KANSL2: variants seen among roughly 807,000 people sequenced by gnomAD.
The protein encoded by KANSL2 is KAT8 regulatory NSL complex subunit 2.
Under a neutral mutation model 55.6 loss-of-function variants are expected in KANSL2, and 34 were observed. That is an observed-to-expected ratio of 0.61 (90% CI 0.46 to 0.81). KANSL2 has a LOEUF of 0.81. Ranked by LOEUF, KANSL2 falls within the 40% of genes least tolerant of loss-of-function variation. The pLI is 0.00. For missense variants in KANSL2, 502 were observed against 609.9 expected (o/e 0.82, Z 1.86); for synonymous variants, 209 against 214.3 (o/e 0.98, Z 0.22).
intron 6 of KANSL2, among the ~76,000 whole-genome samples, chr12:48,668,476 CAAGA>C (rs1469313598): frequency 1.3e-5 from 2 of 152,134 alleles, no homozygotes; most frequent in African/African-American, 4.8e-5. Flanking sequence ...ATTTCAGATC[CAAGA>C]CTGGACATAG....
intron 8 of KANSL2, chr12:48,656,509 T>C (rs370113922): frequency 1.0e-4 from 32 of 318,670 alleles, no homozygotes; most frequent in East Asian, 7.1e-4. Flanking sequence ...TCCCGACCAG[T>C]GATTGGCCCA....
chr12:48,667,589 G>T, intron 7 of KANSL2, 104 bp downstream of exon 7: 2 of 931,976 alleles, frequency 2.1e-6, no homozygotes, highest in Non-Finnish European at 3.5e-6. Context: ...TTGATTCAGG[G>T]CCAAAGGAAA....
chr12:48,667,482 C>T, intron 7 of KANSL2: 1 of 692,166 alleles, frequency 1.4e-6, no homozygotes, highest in African/African-American at 1.7e-5. Flanking sequence ...ATGAATTGAC[C>T]ATTACATTTC....
At chr12:48,657,892 C>CCCA (rs1939417957) in intron 8 of KANSL2, among the ~76,000 whole-genome samples, 2 of 152,136 alleles carry the variant, frequency 1.3e-5, no homozygotes, top group South Asian at 4.2e-4. Flanking sequence ...GCTGGGATTA[C>CCCA]AAGCGTCAGC....
intron 7 of KANSL2, among the ~76,000 whole-genome samples, chr12:48,666,517 AC>A (rs1407171245): frequency 6.6e-6 from 1 of 152,002 alleles, no homozygotes; most frequent in Non-Finnish European, 1.5e-5. Context: ...ACATGGTGAA[AC>A]CCCATCTCTA....
In KANSL2 at chr12:48,662,862, T is replaced by TA. The variant is rs547410063; in HGVS notation, c.974-2244dup. Reference sequence around the variant, plus strand: ...TCTGTAAACTGAGTTTTTTCCCTTATAAAAGTAATTCATGCTCGCCTTAAA... The same window carrying TA: ...TCTGTAAACTGAGTTTTTTCCCTTATAAAAAGTAATTCATGCTCGCCTTAAA... On this transcript the variant is annotated intron_variant, in intron 7 of 9. Coordinates refer to ENST00000420613, the MANE Select transcript of KANSL2 (RefSeq NM_017822.4). 5.4e-4 allele frequency among the ~76,000 whole-genome samples: 82 copies of TA among 152,282 alleles called. 4 individuals are homozygous for TA. In the South Asian group the frequency reaches 0.017, roughly 31 times the overall value.
intron 8 of KANSL2, among the ~76,000 whole-genome samples, chr12:48,657,640 G>C (rs1939411426): frequency 6.6e-6 from 1 of 151,960 alleles, no homozygotes. Context: ...GTGTGAGACA[G>C]AGTTTCACTC....
chr12:48,668,044 T>G (rs1939635671), intron 6 of KANSL2, among the ~76,000 whole-genome samples: 1 of 152,218 alleles, frequency 6.6e-6, no homozygotes, highest in South Asian at 2.1e-4. Flanking sequence ...ATTTTGTCTT[T>G]TACCAACAGA....
chr12:48,661,121 T>C lies in KANSL2; in HGVS notation c.974-502A>G, dbSNP rs563098656. 38 of 398,058 alleles carry C rather than the reference T, an allele frequency of 9.5e-5. 1 individual carries two copies. The South Asian group carries it at 1.7e-3, about 18-fold the overall frequency. 24.7% of individuals were successfully genotyped at this position (398,058 alleles called of 1,614,324 possible). ...ATGATAAATTCATTTAAAGCACCAC[T>C]GGAATAGGGGGAAACAGAGCTCTAG... is the stretch of plus-strand genomic sequence containing the variant. On this transcript the variant is annotated intron_variant, in intron 7 of 9. Coordinates refer to ENST00000420613, the MANE Select transcript of KANSL2 (RefSeq NM_017822.4).
intron 4 of KANSL2, among the ~76,000 whole-genome samples, chr12:48,677,577 C>A (rs1024335046): frequency 6.6e-6 from 1 of 151,852 alleles, no homozygotes; most frequent in African/African-American, 2.4e-5. Flanking sequence ...GTCAGGAATT[C>A]GAGACCAGCC....
chr12:48,679,733 G>A lies in KANSL2; in HGVS notation c.352C>T (p.Gln118Ter). The change falls in exon 3 of 10, where the codon CAG becomes TAG. Residue 118 changes from glutamine (Q) to a stop codon, truncating the protein, a stop_gained. Transcript: ENST00000420613. LOFTEE classifies it high-confidence loss of function. ...PGPVGETLLC[Q>*]LSSYAKTELG... ...TCTGTCTTAGCATATGAGCTCAGCT[G>A]GCACAGGAGTGTTTCACCCACAGGC... 6.2e-7 allele frequency: 1 copy of A among 1,612,300 alleles called. No homozygotes were observed. Among genetic ancestry groups the A allele is most frequent in the Non-Finnish European group, 8.5e-7 (1 of 1,179,222 alleles).
chr12:48,654,984 T>A lies in KANSL2; in HGVS notation c.1304A>T (p.Asp435Val). The A allele has an allele frequency of 6.3e-7, 1 of 1,582,696 alleles. No individual in the cohort carries two copies. The highest frequency in any genetic ancestry group is 8.6e-7 in the Non-Finnish European group (1 of 1,164,094). ...LLFDPSLTLE[D>V]HLVKEIAEDP... ...TTCAGCAATTTCTTTGACTAAATGA[T>A]CTTCAAGGGTTAGTGAAGGATCAAA... is the stretch of plus-strand genomic sequence containing the variant. Residue 435 changes from aspartate (D) to valine (V), a missense_variant, in exon 9 of 10, where the codon GAT (aspartate) becomes GTT (valine). Asp to Val is a radical substitution (Grantham distance 152). Transcript: ENST00000420613.
chr12:48,656,746 C>G (rs1939391424), intron 8 of KANSL2: 3 of 518,526 alleles, frequency 5.8e-6, no homozygotes, highest in Non-Finnish European at 1.2e-5. Flanking sequence ...TTGAAACCAA[C>G]AGCTACAGCA....
intron 7 of KANSL2, among the ~76,000 whole-genome samples, chr12:48,664,274 A>T (rs928868394): frequency 8.8e-6 from 1 of 114,148 alleles, no homozygotes; most frequent in Admixed American, 1.0e-4. Flanking sequence ...ATTATGTTTT[A>T]AGCAATTTTT....
intron 4 of KANSL2, among the ~76,000 whole-genome samples, chr12:48,674,713 G>A (rs1427362510): frequency 1.3e-5 from 2 of 152,114 alleles, no homozygotes; most frequent in African/African-American, 2.4e-5. Context: ...ATCACTTGAG[G>A]TCAGGAGTTC....
chr12:48,672,437 T>A (rs1319258664), intron 4 of KANSL2, among the ~76,000 whole-genome samples: 1 of 134,754 alleles, frequency 7.4e-6, no homozygotes, highest in East Asian at 2.2e-4. Flanking sequence ...ATATATATTT[T>A]TTTTTTGAGA....
intron 4 of KANSL2, among the ~76,000 whole-genome samples, chr12:48,674,431 T>C (rs1369899393): frequency 1.3e-5 from 2 of 152,202 alleles, no homozygotes; most frequent in Non-Finnish European, 2.9e-5. Flanking sequence ...ATTACAGGCG[T>C]GAGCCACTGT....
intron 2 of KANSL2, 102 bp from the exon 3 acceptor site, chr12:48,679,935 ACT>A: frequency 9.7e-7 from 1 of 1,031,090 alleles, no homozygotes; most frequent in Non-Finnish European, 1.4e-6. Context: ...AATTAAAATG[ACT>A]ATTACATTCA....
chr12:48,671,194 A>G (rs1336058583), intron 5 of KANSL2, among the ~76,000 whole-genome samples: 1 of 151,306 alleles, frequency 6.6e-6, no homozygotes, highest in Non-Finnish European at 1.5e-5. Flanking sequence ...GAACCTAGGA[A>G]GCAGAGGTTG....
Sources: allele counts gnomAD v4.1 joint callset (sites outside exome capture counted in the v4.1 genomes callset), GRCh38; gene constraint gnomAD v4.1.1; transcripts MANE v1.5; gene names NCBI Gene and HGNC (gene_info 2026-07-23, HGNC 2026-07-21).